PPP1R12A: variants seen among roughly 807,000 people sequenced by gnomAD.
The protein encoded by PPP1R12A is myosin binding subunit.
In PPP1R12A, 19 loss-of-function variants were observed where a neutral mutation model predicts 139.6. The observed-to-expected ratio is 0.14, with a 90% confidence interval of 0.09 to 0.20. The LOEUF (loss-of-function observed/expected upper bound fraction) is 0.20, where lower values mean the gene tolerates loss of function less well. Among genes scored for constraint, PPP1R12A ranks in the 10% least tolerant of loss-of-function variants. PPP1R12A has a pLI of 1.00. For missense variants in PPP1R12A, 925 were observed against 1,211.5 expected (o/e 0.76, Z 3.51); for synonymous variants, 427 against 420.6 (o/e 1.02, Z -0.19).
chr12:79,844,601 T>C (rs777922215), intron 3 of PPP1R12A, among the ~76,000 whole-genome samples: 5 of 152,226 alleles, frequency 3.3e-5, no homozygotes, highest in Non-Finnish European at 5.9e-5. Context: ...ACTTCTGTCC[T>C]TGTCTTCCTA....
intron 3 of PPP1R12A, among the ~76,000 whole-genome samples, chr12:79,836,615 A>T (rs908693480): frequency 1.3e-5 from 2 of 152,214 alleles, no homozygotes; most frequent in African/African-American, 4.8e-5. Flanking sequence ...AAGAAAATTA[A>T]ATTAGAAAAG....
intron 9 of PPP1R12A, among the ~76,000 whole-genome samples, chr12:79,812,392 G>GTGTGTGTGTC (rs1491306119): frequency 1.2e-5 from 1 of 81,532 alleles, no homozygotes; most frequent in African/African-American, 3.3e-4. Context: ...CTGTGTGTGC[G>GTGTGTGTGTC]TGTGTGTGTG....
At chr12:79,818,429 G>C (rs1875675785) in intron 8 of PPP1R12A, among the ~76,000 whole-genome samples, 1 of 151,976 alleles carries the variant, frequency 6.6e-6, no homozygotes, top group Non-Finnish European at 1.5e-5. Flanking sequence ...TTTTTGTAAA[G>C]ACAGGGCTTC....
In PPP1R12A at chr12:79,773,829, T is replaced by C. The variant is rs1181210877; in HGVS notation, c.*2100A>G. On this transcript the variant is annotated 3_prime_UTR_variant, in exon 25 of 25. Transcript: ENST00000450142. ...TTAAAAGTTCACACATTTAAAATAGTTTTATTCATTTTATTTGTATATGTC... is the reference window on the plus strand; with the variant it reads ...TTAAAAGTTCACACATTTAAAATAGCTTTATTCATTTTATTTGTATATGTC... 2.6e-5 allele frequency: 4 copies of C among 152,240 alleles called. No individual in the cohort carries two copies. The highest frequency in any genetic ancestry group is 1.3e-4 in the Admixed American group (2 of 15,286). The allele number at this position is 152,240 out of a possible 1,614,324, so 9.4% of individuals were successfully genotyped here.
At chr12:79,881,471 C>T (rs1883630712) in intron 1 of PPP1R12A, among the ~76,000 whole-genome samples, 1 of 152,156 alleles carries the variant, frequency 6.6e-6, no homozygotes, top group African/African-American at 2.4e-5. Flanking sequence ...GAGAGTAAGG[C>T]CCCAGCTCTC....
In PPP1R12A at chr12:79,797,336, G is replaced by A. The variant is rs772073499; in HGVS notation, c.2151C>T (p.Thr717=). 22 of 1,601,556 alleles carry A rather than the reference G, an allele frequency of 1.4e-5. No individual in the cohort carries two copies. The South Asian group carries it at 2.2e-4, about 16-fold the overall frequency. ...AEKTIGRSRS[T]RTREQENEEK... ...CTTCATTTTCTTGTTCTCTGGTTCG[G>A]GTAGAACGACTTCTTCCTATTGTTT... Residue 717 remains threonine (T), a synonymous_variant, in exon 16 of 25, where the codon ACC becomes ACT. Coordinates refer to ENST00000450142, the MANE Select transcript of PPP1R12A (RefSeq NM_002480.3).
intron 3 of PPP1R12A, among the ~76,000 whole-genome samples, chr12:79,838,055 AT>A (rs1322617940): frequency 2.9e-4 from 44 of 152,236 alleles, no homozygotes; most frequent in Non-Finnish European, 8.8e-5. Context: ...AGACAGGAAG[AT>A]GTAGGAAAGT....
chr12:79,903,535 C>G (rs1885831225), intron 1 of PPP1R12A, among the ~76,000 whole-genome samples: 1 of 151,900 alleles, frequency 6.6e-6, no homozygotes, highest in Non-Finnish European at 1.5e-5. Context: ...TTATTTAGAC[C>G]TGGGACCCAT....
chr12:79,861,127 G>A (rs183193205), intron 2 of PPP1R12A, among the ~76,000 whole-genome samples: 1 of 152,304 alleles, frequency 6.6e-6, no homozygotes, highest in East Asian at 1.9e-4. Flanking sequence ...AGGACTCCAG[G>A]CCTTGGGCAG....
At position 79,779,233 on chromosome 12, in the gene PPP1R12A, A is replaced by C. The variant is rs569919595; in HGVS notation, c.2956-633T>G. 5.7e-6 allele frequency: 6 copies of C among 1,044,886 alleles called. No individual in the cohort carries two copies. The Admixed American group carries it at 9.3e-5, about 16-fold the overall frequency. 64.7% of individuals were successfully genotyped at this position (1,044,886 alleles called of 1,614,324 possible). On this transcript the variant is annotated intron_variant, in intron 23 of 24. Coordinates refer to ENST00000450142, the MANE Select transcript of PPP1R12A (RefSeq NM_002480.3). ...ACACATTATTGCAGTGTACTGTTTT[A>C]TTCTCCCTTAAATGATAAGCATTCT...
intron 1 of PPP1R12A, among the ~76,000 whole-genome samples, chr12:79,880,828 T>C (rs1883571978): frequency 6.6e-6 from 1 of 152,164 alleles, no homozygotes; most frequent in African/African-American, 2.4e-5. Flanking sequence ...CAACCCCGTG[T>C]CAGGCAAGTG....
intron 19 of PPP1R12A, among the ~76,000 whole-genome samples, chr12:79,792,053 G>C (rs999575845): frequency 6.6e-6 from 1 of 152,044 alleles, no homozygotes; most frequent in Non-Finnish European, 1.5e-5. Flanking sequence ...CTATGGTATT[G>C]TAAAGTTCAC....
intron 22 of PPP1R12A, 36 bp downstream of exon 22, chr12:79,786,338 T>A: frequency 7.7e-7 from 1 of 1,291,708 alleles, no homozygotes; most frequent in Non-Finnish European, 1.1e-6. Context: ...ATCACAACCA[T>A]TACCTTGAGA....
chr12:79,824,801 A>G (rs899005052), intron 5 of PPP1R12A, among the ~76,000 whole-genome samples: 3 of 152,182 alleles, frequency 2.0e-5, no homozygotes, highest in African/African-American at 7.2e-5. Context: ...GCAACAAATG[A>G]GGACACAATG....
At chr12:79,834,119 C>T (rs1317443423) in intron 3 of PPP1R12A, among the ~76,000 whole-genome samples, 1 of 151,944 alleles carries the variant, frequency 6.6e-6, no homozygotes, top group Non-Finnish European at 1.5e-5. Flanking sequence ...GAAGATGATT[C>T]ATTTGTGAAG....
chr12:79,805,010 C>A (rs907315193), intron 14 of PPP1R12A, among the ~76,000 whole-genome samples: 4 of 152,088 alleles, frequency 2.6e-5, no homozygotes, highest in African/African-American at 7.2e-5. Context: ...TTTAAGCACA[C>A]AAAATAAATT....
At chr12:79,805,451 T>C in intron 14 of PPP1R12A, 141 bp downstream of exon 14, 1 of 627,080 alleles carries the variant, frequency 1.6e-6, no homozygotes, top group Non-Finnish European at 2.5e-6. Context: ...TAAATTTACA[T>C]AGTTCTGAGC....
chr12:79,902,992 G>A (rs1204395860), intron 1 of PPP1R12A, among the ~76,000 whole-genome samples: 1 of 151,862 alleles, frequency 6.6e-6, no homozygotes, highest in Non-Finnish European at 1.5e-5. Flanking sequence ...AAATTCACAC[G>A]TGTACGTGTA....
intron 1 of PPP1R12A, among the ~76,000 whole-genome samples, chr12:79,888,748 G>A (rs1403854948): frequency 6.6e-6 from 1 of 152,118 alleles, no homozygotes; most frequent in Non-Finnish European, 1.5e-5. Flanking sequence ...AACCCAGTAA[G>A]TGAGAACTAT....
Sources: allele counts gnomAD v4.1 joint callset (sites outside exome capture counted in the v4.1 genomes callset), GRCh38; gene constraint gnomAD v4.1.1; transcripts MANE v1.5; gene names NCBI Gene and HGNC (gene_info 2026-07-23, HGNC 2026-07-21).